The following PRP4K variants were observed in gnomAD, a reference collection of about 807,000 sequenced individuals.
PRP4K encodes pre-mRNA processing factor kinase PRP4K.
At chr6:4,064,230 T>G in the PRP4K span, 2 of 152,642 alleles carry the variant, frequency 1.3e-5, no homozygotes, top group African/African-American at 4.8e-5. Flanking sequence ...TAAGTACCAC[T>G]TTATTCCTAA....
chr6:4,032,776 T>A, the PRP4K span: 1 of 1,530,194 alleles, frequency 6.5e-7, no homozygotes, highest in Non-Finnish European at 8.7e-7. Flanking sequence ...TACAAAATGT[T>A]AAAGCTTTTT....
the PRP4K span, chr6:4,043,797 TGTATTGTTATTA>T: frequency 6.2e-7 from 1 of 1,609,854 alleles, no homozygotes. Flanking sequence ...TATTATCTTC[TGTATTGTTATTA>T]CAGAAATATA....
the PRP4K span, chr6:4,050,442 A>G: frequency 2.6e-6 from 1 of 384,592 alleles, no homozygotes; most frequent in Non-Finnish European, 4.6e-6. Context: ...ATGCACCAAT[A>G]ACAACTTAAA....
At chr6:4,050,447 C>G in the PRP4K span, 6 of 369,800 alleles carry the variant, frequency 1.6e-5, no homozygotes, top group Admixed American at 3.9e-5. Flanking sequence ...CCAATAACAA[C>G]TTAAACTCCT....
chr6:4,053,122 G>A, the PRP4K span, among the ~76,000 whole-genome samples: 127,451 of 152,132 alleles, frequency 0.84, 53,430 homozygotes, highest in Middle Eastern at 0.91. Context: ...GATTTAAAGT[G>A]TGCACCAATC....
At chr6:4,030,915 A>G in the PRP4K span, among the ~76,000 whole-genome samples, 1 of 152,196 alleles carries the variant, frequency 6.6e-6, no homozygotes, top group African/African-American at 2.4e-5. Context: ...TTATACTATC[A>G]CCATCATCAG....
the PRP4K span, chr6:4,040,896 A>G: frequency 6.2e-7 from 1 of 1,613,828 alleles, no homozygotes; most frequent in Non-Finnish European, 8.5e-7. Context: ...TGAAGGAATG[A>G]AAGTTGAGCA....
chr6:4,044,860 ATTATTT>A, the PRP4K span, among the ~76,000 whole-genome samples: 1 of 119,310 alleles, frequency 8.4e-6, no homozygotes, highest in Non-Finnish European at 1.7e-5. Context: ...TATTATTATT[ATTATTT>A]TTTTTTTTTT....
the PRP4K span, chr6:4,037,638 G>A: frequency 1.4e-6 from 2 of 1,462,458 alleles, no homozygotes; most frequent in Non-Finnish European, 9.2e-7. Flanking sequence ...GAGCTCACTT[G>A]GTAGGTTTTC....
chr6:4,049,713 T>C, the PRP4K span: 1 of 1,598,752 alleles, frequency 6.3e-7, no homozygotes, highest in South Asian at 1.1e-5. Context: ...AATTCTAATT[T>C]TTCAATTTGC....
the PRP4K span, among the ~76,000 whole-genome samples, chr6:4,035,297 T>C: frequency 7.6e-6 from 1 of 132,182 alleles, no homozygotes; most frequent in Non-Finnish European, 1.6e-5. Flanking sequence ...TTTTTTTTTT[T>C]TTTTTTTTTT....
At chr6:4,033,521 G>A in the PRP4K span, among the ~76,000 whole-genome samples, 59 of 152,172 alleles carry the variant, frequency 3.9e-4, no homozygotes, top group African/African-American at 1.4e-3. Flanking sequence ...GGGGAGGAGT[G>A]TTTATACCAC....
At chr6:4,052,130 T>G in the PRP4K span, 1 of 1,515,780 alleles carries the variant, frequency 6.6e-7, no homozygotes, top group Non-Finnish European at 8.8e-7. Flanking sequence ...AATTGCAAAT[T>G]TAACTTCTTC....
the PRP4K span, chr6:4,021,618 C>T: frequency 1.8e-6 from 2 of 1,130,280 alleles, no homozygotes; most frequent in African/African-American, 1.5e-5. Flanking sequence ...GCATGGGGAG[C>T]AGGCGGCCTT....
chr6:4,042,819 G>T, the PRP4K span, among the ~76,000 whole-genome samples: 3 of 152,150 alleles, frequency 2.0e-5, no homozygotes. Flanking sequence ...TGTAAAACAT[G>T]AGAATCTGAA....
At chr6:4,056,623 G>A in the PRP4K span, 1 of 1,581,312 alleles carries the variant, frequency 6.3e-7, no homozygotes, top group South Asian at 1.1e-5. Flanking sequence ...TGATCATGTC[G>A]GGCAAGAGTA....
At chr6:4,032,781 C>T in the PRP4K span, 2 of 1,520,140 alleles carry the variant, frequency 1.3e-6, no homozygotes, top group Non-Finnish European at 1.8e-6. Context: ...AATGTTAAAG[C>T]TTTTTACCAG....
At chr6:4,047,800 T>G in the PRP4K span, among the ~76,000 whole-genome samples, 1 of 151,978 alleles carries the variant, frequency 6.6e-6, no homozygotes, top group African/African-American at 2.4e-5. Flanking sequence ...AATATAAATT[T>G]CAAAGGACAT....
the PRP4K span, among the ~76,000 whole-genome samples, chr6:4,042,151 A>G: frequency 6.6e-6 from 1 of 152,252 alleles, no homozygotes; most frequent in South Asian, 2.1e-4. Context: ...TACCCTTGCC[A>G]TCATTTTATA....
Sources: allele counts gnomAD v4.1 joint callset (sites outside exome capture counted in the v4.1 genomes callset), GRCh38; gene constraint gnomAD v4.1.1; transcripts MANE v1.5; gene names NCBI Gene and HGNC (gene_info 2026-07-23, HGNC 2026-07-21).